FSIP1: variants seen among roughly 807,000 people sequenced by gnomAD.
FSIP1 encodes the protein fibrous sheath-interacting protein 1.
FSIP1 carries 65 observed loss-of-function variants against 60.9 expected under a neutral mutation model. The observed-to-expected ratio is 1.07, with a 90% confidence interval of 0.87 to 1.31. FSIP1 has a LOEUF of 1.31. FSIP1 is among the 40% of genes most tolerant of loss of function. FSIP1 has a pLI of 0.00. For synonymous variants in FSIP1, 209 were observed against 221.2 expected (o/e 0.94, Z 0.49); for missense variants, 675 against 665.5 (o/e 1.01, Z -0.16).
At chr15:39,774,384 G>A (rs114821854) in intron 2 of FSIP1, among the ~76,000 whole-genome samples, 2,247 of 151,908 alleles carry the variant, frequency 0.015, 66 homozygotes, top group African/African-American at 0.052. Flanking sequence ...TCGGGAGGCT[G>A]ACAGGAGAAT....
chr15:39,738,856 G>A (rs1896706842), intron 7 of FSIP1, among the ~76,000 whole-genome samples: 1 of 152,220 alleles, frequency 6.6e-6, no homozygotes, highest in South Asian at 2.1e-4. Flanking sequence ...GCAGTGGCAG[G>A]CTGCCCCACG....
At chr15:39,774,694 A>G (rs1490217844) in intron 2 of FSIP1, among the ~76,000 whole-genome samples, 1 of 152,214 alleles carries the variant, frequency 6.6e-6, no homozygotes, top group East Asian at 1.9e-4. Flanking sequence ...CGTTAGGATA[A>G]TCCAATTAGA....
intron 10 of FSIP1, among the ~76,000 whole-genome samples, chr15:39,709,716 G>A: frequency 6.6e-6 from 1 of 152,118 alleles, no homozygotes; most frequent in Middle Eastern, 3.2e-3. Context: ...TAGGTCATCA[G>A]GCATTAGATT....
intron 5 of FSIP1, among the ~76,000 whole-genome samples, chr15:39,760,806 T>A (rs561459631): frequency 1.3e-5 from 2 of 152,166 alleles, no homozygotes; most frequent in African/African-American, 4.8e-5. Context: ...ATTATACCAA[T>A]GTTGATTTCT....
chr15:39,744,762 CT>C (rs1896932712), intron 5 of FSIP1, among the ~76,000 whole-genome samples: 8 of 134,480 alleles, frequency 5.9e-5, no homozygotes, highest in African/African-American at 2.3e-4. Flanking sequence ...CTCTCTCTCT[CT>C]CTCTCCCCCT....
At chr15:39,670,772 A>G (rs923508673) in intron 10 of FSIP1, among the ~76,000 whole-genome samples, 1 of 152,258 alleles carries the variant, frequency 6.6e-6, no homozygotes, top group Non-Finnish European at 1.5e-5. Flanking sequence ...CATTCATTGT[A>G]AATACTGAGT....
At chr15:39,681,748 A>G (rs1894171478) in intron 10 of FSIP1, among the ~76,000 whole-genome samples, 1 of 152,206 alleles carries the variant, frequency 6.6e-6, no homozygotes, top group African/African-American at 2.4e-5. Flanking sequence ...TCAGTGTGCA[A>G]AACACATGGG....
chr15:39,735,524 G>C (rs1438432299), intron 8 of FSIP1, among the ~76,000 whole-genome samples: 3 of 152,198 alleles, frequency 2.0e-5, no homozygotes, highest in African/African-American at 7.2e-5. Context: ...AAGCTGCTCT[G>C]GTGAGTCAGT....
At chr15:39,667,694 T>A (rs1893553427) in intron 10 of FSIP1, among the ~76,000 whole-genome samples, 1 of 152,048 alleles carries the variant, frequency 6.6e-6, no homozygotes, top group Admixed American at 6.6e-5. Flanking sequence ...AGACCCAATC[T>A]ATTCCAGGGA....
At chr15:39,663,318 T>A (rs770552394) in intron 10 of FSIP1, among the ~76,000 whole-genome samples, 1 of 151,934 alleles carries the variant, frequency 6.6e-6, no homozygotes, top group African/African-American at 2.4e-5. Flanking sequence ...CACAAATAAT[T>A]GATATCACAA....
At chr15:39,658,492 C>T (rs28485211) in intron 10 of FSIP1, among the ~76,000 whole-genome samples, 103,839 of 151,928 alleles carry the variant, frequency 0.68, 37,132 homozygotes, top group Non-Finnish European at 0.81. Context: ...TCCGGTGATC[C>T]GCCCACCTCA....
At chr15:39,691,078 G>GTATA (rs1242525727) in intron 10 of FSIP1, among the ~76,000 whole-genome samples, 1 of 152,176 alleles carries the variant, frequency 6.6e-6, no homozygotes, top group Non-Finnish European at 1.5e-5. Flanking sequence ...CAGGCAATCA[G>GTATA]CACTGTGAGA....
At chr15:39,715,822 T>C (rs560339932) in intron 9 of FSIP1, among the ~76,000 whole-genome samples, 16 of 152,248 alleles carry the variant, frequency 1.1e-4, no homozygotes, top group African/African-American at 3.6e-4. Context: ...TGAGTTACCA[T>C]GAGGTCTGGT....
chr15:39,773,168 T>C (rs1595406835), intron 2 of FSIP1, among the ~76,000 whole-genome samples: 1 of 152,198 alleles, frequency 6.6e-6, no homozygotes, highest in East Asian at 1.9e-4. Context: ...AAATCTTTGG[T>C]AAGAATTTAA....
At chr15:39,618,429 T>A (rs1225452541) in intron 10 of FSIP1, among the ~76,000 whole-genome samples, 184 bp from the exon 11 acceptor site, 1 of 152,192 alleles carries the variant, frequency 6.6e-6, no homozygotes, top group African/African-American at 2.4e-5. Flanking sequence ...TGGCAAAATC[T>A]TTGGTTGGTG....
At chr15:39,781,331 A>G (rs775683417) in intron 1 of FSIP1, among the ~76,000 whole-genome samples, 2 of 152,254 alleles carry the variant, frequency 1.3e-5, no homozygotes, top group African/African-American at 2.4e-5. Flanking sequence ...CCAAGTGCTG[A>G]CAAAGTTGGA....
chr15:39,649,063 A>G (rs1892754014), intron 10 of FSIP1, among the ~76,000 whole-genome samples: 1 of 152,196 alleles, frequency 6.6e-6, no homozygotes, highest in Non-Finnish European at 1.5e-5. Flanking sequence ...GAAACAACCA[A>G]TAGCTCAAAA....
chr15:39,676,006 A>C (rs1031550376), intron 10 of FSIP1, among the ~76,000 whole-genome samples: 3 of 19,308 alleles, frequency 1.6e-4, no homozygotes, highest in Admixed American at 1.2e-3. Context: ...TCTACTAAAA[A>C]TACAAAAAAA....
At chr15:39,628,254 G>A (rs1332366174) in intron 10 of FSIP1, among the ~76,000 whole-genome samples, 4 of 152,210 alleles carry the variant, frequency 2.6e-5, no homozygotes, top group Admixed American at 1.3e-4. Context: ...CACCACTAGA[G>A]GGAGAATATG....
Sources: gnomAD v4.1 joint callset for allele counts (sites outside exome capture counted in the v4.1 genomes callset) on GRCh38, gnomAD v4.1.1 for gene constraint, MANE v1.5 for transcripts, NCBI Gene and HGNC (gene_info 2026-07-23, HGNC 2026-07-21) for gene names.